Variants in ZFHX3 observed in about 807,000 individuals in gnomAD.
ZFHX3 encodes zinc finger homeobox 3.
In ZFHX3, 42 loss-of-function variants were observed where a neutral mutation model predicts 279.1. That is an observed-to-expected ratio of 0.15 (90% CI 0.12 to 0.19). The LOEUF (loss-of-function observed/expected upper bound fraction) is 0.19, where lower values mean the gene tolerates loss of function less well. Ranked by LOEUF, ZFHX3 falls within the 10% of genes least tolerant of loss-of-function variation. ZFHX3 has a pLI of 1.00. For synonymous variants in ZFHX3, 2,293 were observed against 1,957.8 expected (o/e 1.17, Z -4.52); for missense variants, 4,981 against 4,754.0 (o/e 1.05, Z -1.40).
chr16:73,518,096 C>T (rs892786983), intron 2 of ZFHX3, among the ~76,000 whole-genome samples: 10 of 152,132 alleles, frequency 6.6e-5, no homozygotes, highest in Admixed American at 1.3e-4. Context: ...TTATACTCTA[C>T]ATATCTCAGT....
At chr16:73,110,791 T>C (rs373038732) in intron 7 of ZFHX3, among the ~76,000 whole-genome samples, 28 of 152,328 alleles carry the variant, frequency 1.8e-4, no homozygotes, top group African/African-American at 6.5e-4. Context: ...CTTGAAGTTC[T>C]GGGCTCACGT....
intron 3 of ZFHX3, among the ~76,000 whole-genome samples, chr16:73,411,195 T>C (rs1328052438): frequency 6.6e-6 from 1 of 152,230 alleles, no homozygotes; most frequent in Non-Finnish European, 1.5e-5. Context: ...GAAATGCTGA[T>C]GTGAATTTCC....
chr16:73,136,397 G>A (rs1966793638), intron 6 of ZFHX3, among the ~76,000 whole-genome samples: 1 of 152,040 alleles, frequency 6.6e-6, no homozygotes, highest in Non-Finnish European at 1.5e-5. Context: ...TATCTATTAG[G>A]TTGGTGCAAA....
chr16:73,480,900 A>G (rs2018853731), intron 2 of ZFHX3, among the ~76,000 whole-genome samples: 1 of 152,232 alleles, frequency 6.6e-6, no homozygotes, highest in Non-Finnish European at 1.5e-5. Context: ...AATGAACTAA[A>G]TAGCCTCCAT....
In ZFHX3 at chr16:72,798,705, T is replaced by C; in HGVS notation, c.3977A>G (p.Glu1326Gly). The change falls in exon 9 of 10, where the codon GAG becomes GGG. Residue 1326 changes from glutamate to glycine, a missense_variant. Coordinates refer to ENST00000268489, the MANE Select transcript of ZFHX3 (RefSeq NM_006885.4). Reference sequence around the variant, plus strand: ...TGGCAAGATGTTCTTTCCCAGATCCTCTGAGGTTTCTGTTAAAAAAAAAAA... The same window carrying C: ...TGGCAAGATGTTCTTTCCCAGATCCCCTGAGGTTTCTGTTAAAAAAAAAAA... ...EEAGKQPETS[E>G]DLGKNILPSA... 6.5e-7 allele frequency: 1 copy of C among 1,530,352 alleles called. No individual in the cohort carries two copies. Among genetic ancestry groups the C allele is most frequent in the Non-Finnish European group, 8.7e-7 (1 of 1,146,578 alleles). 94.8% of individuals were successfully genotyped at this position (1,530,352 alleles called of 1,614,324 possible). A position where few individuals can be genotyped will look rare whatever the true frequency, so the allele number is the denominator to read the frequency against.
At position 73,482,244 on chromosome 16, in the gene ZFHX3, A is replaced by G. The variant is rs79356962; in HGVS notation, c.-1546-25986T>C. 3.1e-3 allele frequency among the ~76,000 whole-genome samples: 468 copies of G among 152,300 alleles called. 22 individuals are homozygous for G. The East Asian group carries it at 0.081, about 26-fold the overall frequency. On this transcript the variant is annotated intron_variant, in intron 2 of 17. Transcript: ENST00000641206. ...TAGGCTGTCCATCCTTTGGCACCCC[A>G]GTCCCTACTCCTGCAGCCACAGATG...
chr16:73,771,792 T>C (rs981707840), intron 1 of ZFHX3, among the ~76,000 whole-genome samples: 1 of 150,030 alleles, frequency 6.7e-6, no homozygotes, highest in African/African-American at 2.5e-5. Context: ...GGCTACAATA[T>C]TTTTTCTCGC....
At chr16:72,976,634 G>A (rs1315185470) in intron 1 of ZFHX3, among the ~76,000 whole-genome samples, 5 of 152,184 alleles carry the variant, frequency 3.3e-5, no homozygotes, top group East Asian at 1.9e-4. Flanking sequence ...AGCACTCCAC[G>A]TGGCCACTGG....
rs150396828 is a variant in ZFHX3 at position 73,289,472 on chromosome 16, C to T, written c.-1194+28768G>A. ...GGTGGGGAAAAAACCTGGCTTTGCA[C>T]GCCATGTGAAGAGCCCCAGATATGT... On this transcript the variant is annotated intron_variant, in intron 4 of 17. Coordinates refer to the ZFHX3 transcript ENST00000641206. 5.5e-4 allele frequency among the ~76,000 whole-genome samples: 84 copies of T among 152,150 alleles called. 2 individuals are homozygous for T. Among genetic ancestry groups the T allele is most frequent in the African/African-American group, 1.9e-3 (79 of 41,510 alleles).
chr16:73,096,089 A>C (rs1409623801), intron 7 of ZFHX3, among the ~76,000 whole-genome samples: 1 of 152,150 alleles, frequency 6.6e-6, no homozygotes, highest in Non-Finnish European at 1.5e-5. Flanking sequence ...GAAGGTTGGA[A>C]GCCACTAGCC....
At chr16:73,177,364 C>A (rs572695768) in intron 5 of ZFHX3, among the ~76,000 whole-genome samples, 1 of 152,070 alleles carries the variant, frequency 6.6e-6, no homozygotes, top group Non-Finnish European at 1.5e-5. Context: ...TGAAAACTTG[C>A]GGAACAAAAG....
At chr16:72,951,654 C>T (rs185060701) in intron 2 of ZFHX3, among the ~76,000 whole-genome samples, 28 of 152,322 alleles carry the variant, frequency 1.8e-4, no homozygotes, top group African/African-American at 5.8e-4. Flanking sequence ...TCTCAAACTG[C>T]AGACCTTCCA....
intron 3 of ZFHX3, among the ~76,000 whole-genome samples, chr16:73,319,664 C>A (rs769087298): frequency 6.6e-6 from 1 of 152,152 alleles, no homozygotes; most frequent in Non-Finnish European, 1.5e-5. Context: ...CATTCAAAGT[C>A]CTCATCAAGT....
chr16:73,856,321 T>C (rs1961726043), intron 1 of ZFHX3, among the ~76,000 whole-genome samples: 1 of 152,058 alleles, frequency 6.6e-6, no homozygotes, highest in Non-Finnish European at 1.5e-5. Context: ...AAAGAAACAA[T>C]AAAAATTTTA....
In ZFHX3 at chr16:72,796,374, T is replaced by C. The variant is rs138586244; in HGVS notation, c.6308A>G (p.Gln2103Arg). Residue 2103 changes from glutamine to arginine, a missense_variant, in exon 9 of 10, where the codon CAG becomes CGG. Physicochemically the swap from Gln to Arg is conservative, Grantham distance 43. Coordinates refer to ENST00000268489, the MANE Select transcript of ZFHX3 (RefSeq NM_006885.4). ...CGGCAAGGTCTGCAGCGGCATCGTC[T>C]GCATCATCAGCGGCGAGAAGATGGG... ...ELPIFSPLMM[Q>R]TMPLQTLPAQ... 7 of 1,613,642 alleles carry C rather than the reference T, an allele frequency of 4.3e-6. No homozygotes were observed. Among genetic ancestry groups the C allele is most frequent in the Non-Finnish European group, 5.9e-6 (7 of 1,179,998 alleles).
At chr16:73,330,119 G>T (rs1236616012) in intron 3 of ZFHX3, among the ~76,000 whole-genome samples, 1 of 152,136 alleles carries the variant, frequency 6.6e-6, no homozygotes, top group Non-Finnish European at 1.5e-5. Flanking sequence ...AGTATGAGCA[G>T]GCGCTCCAAC....
In ZFHX3 at chr16:72,920,369, A is replaced by G. The variant is rs2039552730; in HGVS notation, c.3216+30100T>C. 5.3e-5 allele frequency among the ~76,000 whole-genome samples: 8 copies of G among 152,240 alleles called. No homozygotes were observed. The South Asian group carries it at 1.7e-3, about 32-fold the overall frequency. ...TGAGCCCCTGGATTCCATTATGATT[A>G]GGAATATAATCAACTTAAAGAAACA... On this transcript the variant is annotated intron_variant, in intron 3 of 9. Coordinates refer to ENST00000268489, the MANE Select transcript of ZFHX3 (RefSeq NM_006885.4).
At chr16:73,265,688 G>C (rs1295997550) in intron 4 of ZFHX3, among the ~76,000 whole-genome samples, 1 of 152,122 alleles carries the variant, frequency 6.6e-6, no homozygotes, top group Non-Finnish European at 1.5e-5. Context: ...AGCCCTCCTG[G>C]AATTTCCCTG....
At chr16:73,866,138 G>C (rs1007660762) in intron 1 of ZFHX3, among the ~76,000 whole-genome samples, 1 of 149,302 alleles carries the variant, frequency 6.7e-6, no homozygotes, top group Admixed American at 6.7e-5. Flanking sequence ...AAGTAGCTGG[G>C]ACTACAGGTG....
Sources: gnomAD v4.1 joint callset for allele counts (sites outside exome capture counted in the v4.1 genomes callset) on GRCh38, gnomAD v4.1.1 for gene constraint, MANE v1.5 for transcripts, NCBI Gene and HGNC (gene_info 2026-07-23, HGNC 2026-07-21) for gene names.